CAMTA1: variants seen among roughly 807,000 people sequenced by gnomAD.
CAMTA1 encodes the protein calmodulin-binding transcription activator 1.
In CAMTA1, 27 loss-of-function variants were observed where a neutral mutation model predicts 170.9. That is an observed-to-expected ratio of 0.16 (90% CI 0.12 to 0.22). The LOEUF is 0.22. CAMTA1 is among the 10% of genes least tolerant of loss of function. The pLI is 1.00. For synonymous variants in CAMTA1, 833 were observed against 891.5 expected (o/e 0.93, Z 1.17); for missense variants, 1,619 against 2,217.2 (o/e 0.73, Z 5.42).
chr1:7,405,773 C>A (rs2090240370), intron 5 of CAMTA1, among the ~76,000 whole-genome samples: 1 of 152,148 alleles, frequency 6.6e-6, no homozygotes, highest in South Asian at 2.1e-4. Context: ...TGTGAGGCTT[C>A]CACACACTGA....
intron 5 of CAMTA1, among the ~76,000 whole-genome samples, chr1:7,345,535 AG>A (rs1388819404): frequency 3.3e-5 from 5 of 152,282 alleles, no homozygotes; most frequent in African/African-American, 1.2e-4. Context: ...AGAGTGACTT[AG>A]GTGAGATGAT....
intron 5 of CAMTA1, among the ~76,000 whole-genome samples, chr1:7,282,065 T>A (rs1341806821): frequency 1.3e-5 from 2 of 152,110 alleles, no homozygotes. Flanking sequence ...CAGCCCTTTA[T>A]TTTGCAATGA....
At chr1:7,205,734 C>A (rs771350282) in intron 4 of CAMTA1, among the ~76,000 whole-genome samples, 2 of 152,116 alleles carry the variant, frequency 1.3e-5, no homozygotes, top group Non-Finnish European at 2.9e-5. Context: ...GTTCATCAAT[C>A]TTTTCTTTTA....
chr1:6,940,303 T>C (rs907140602), intron 3 of CAMTA1, among the ~76,000 whole-genome samples: 1 of 152,228 alleles, frequency 6.6e-6, no homozygotes, highest in Non-Finnish European at 1.5e-5. Flanking sequence ...GGAACACCAC[T>C]GGTGTAAGTC....
intron 4 of CAMTA1, among the ~76,000 whole-genome samples, chr1:7,111,133 C>G (rs2148375985): frequency 6.6e-6 from 1 of 152,340 alleles, no homozygotes; most frequent in East Asian, 1.9e-4. Context: ...TTTCTCTGAC[C>G]TCCTCTCCTG....
In CAMTA1 at chr1:6,970,177, G is replaced by A. The variant is rs1321642180; in HGVS notation, c.235-121127G>A. On this transcript the variant is annotated intron_variant, in intron 3 of 22. Transcript: ENST00000303635. This position sits in a 1 kb window ranked among gnomAD's most constrained non-coding sequence, Gnocchi z 4.4. Reference sequence around the variant, plus strand: ...TATAAAATTATATAATAATCTTCCAGAAATTGAGGGACATGGAAAGAAAAC... The same window carrying A: ...TATAAAATTATATAATAATCTTCCAAAAATTGAGGGACATGGAAAGAAAAC... Among the ~76,000 whole-genome samples the A allele has an allele frequency of 6.6e-6, 1 of 152,120 alleles. No individual in the cohort carries two copies. The highest frequency in any genetic ancestry group is 2.4e-5 in the African/African-American group (1 of 41,424).
At position 7,572,872 on chromosome 1, in the gene CAMTA1, T is replaced by C. The variant is rs147306157; in HGVS notation, c.511-67528T>C. ...GCCAGGGCTGGCCAAGGGCCCAGTCTGATAAGAAACCGCACCTGTGATCCA... is the reference window on the plus strand; with the variant it reads ...GCCAGGGCTGGCCAAGGGCCCAGTCCGATAAGAAACCGCACCTGTGATCCA... On this transcript the variant is annotated intron_variant, in intron 6 of 22. Transcript: ENST00000303635. Among the ~76,000 whole-genome samples, 38 of 152,338 alleles carry C rather than the reference T, an allele frequency of 2.5e-4. No homozygotes were observed. The East Asian group carries it at 6.6e-3, about 26-fold the overall frequency.
intron 6 of CAMTA1, among the ~76,000 whole-genome samples, chr1:7,507,243 G>A (rs1257697974): frequency 6.0e-5 from 9 of 150,452 alleles, no homozygotes; most frequent in African/African-American, 1.0e-4. Flanking sequence ...CAAAACTCAC[G>A]CTCACATATT....
At chr1:7,330,687 A>G (rs2082973827) in intron 5 of CAMTA1, among the ~76,000 whole-genome samples, 1 of 152,250 alleles carries the variant, frequency 6.6e-6, no homozygotes, top group South Asian at 2.1e-4. Flanking sequence ...ATATCAGGCA[A>G]TGGTTCAATC....
chr1:6,953,163 G>A (rs757802893), intron 3 of CAMTA1, among the ~76,000 whole-genome samples: 2 of 152,170 alleles, frequency 1.3e-5, no homozygotes, highest in Non-Finnish European at 2.9e-5. Context: ...CATCTGTCCC[G>A]TCGTTTTCTC....
At position 7,551,019 on chromosome 1, in the gene CAMTA1, GA is replaced by G. The variant is rs1455698103; in HGVS notation, c.510+83120del. Among the ~76,000 whole-genome samples the G allele has an allele frequency of 2.0e-5, 3 of 152,144 alleles. No individual in the cohort carries two copies. The East Asian group carries it at 5.8e-4, about 29-fold the overall frequency. On this transcript the variant is annotated intron_variant, in intron 6 of 22. Transcript: ENST00000303635. ...TGGATTTTTGTCTAATTACTGACTGGAACAGATGCAGAGACAACCTCATTGA... is the reference window on the plus strand; with the variant it reads ...TGGATTTTTGTCTAATTACTGACTGGACAGATGCAGAGACAACCTCATTGA...
intron 5 of CAMTA1, among the ~76,000 whole-genome samples, chr1:7,422,810 C>G (rs2091650262): frequency 6.6e-6 from 1 of 152,152 alleles, no homozygotes; most frequent in African/African-American, 2.4e-5. Context: ...CCACACCCCC[C>G]TACATTGGGG....
intron 4 of CAMTA1, among the ~76,000 whole-genome samples, chr1:7,108,044 A>G (rs1043559653): frequency 3.9e-5 from 6 of 152,110 alleles, no homozygotes; most frequent in African/African-American, 9.7e-5. Flanking sequence ...GGTGGTCACC[A>G]TGGGAGGGGC....
rs979599272 is a variant in CAMTA1 at position 7,455,535 on chromosome 1, C to T, written c.439-12295C>T. 5.3e-5 allele frequency among the ~76,000 whole-genome samples: 8 copies of T among 152,336 alleles called. No homozygotes were observed. The highest frequency in any genetic ancestry group is 1.0e-4 in the Non-Finnish European group (7 of 68,026). Reference sequence around the variant, plus strand: ...TTAACATAGCCACAGACCGGCCCGGCGTTTCCCTCCACCTGCTTCATAAGC... The same window carrying T: ...TTAACATAGCCACAGACCGGCCCGGTGTTTCCCTCCACCTGCTTCATAAGC... On this transcript the variant is annotated intron_variant, in intron 5 of 22. Coordinates refer to ENST00000303635, the MANE Select transcript of CAMTA1 (RefSeq NM_015215.4). The surrounding 1 kb of genome is among the most constrained non-coding windows in gnomAD (Gnocchi z 5.0).
At chr1:6,987,898 C>T (rs370375799) in intron 3 of CAMTA1, among the ~76,000 whole-genome samples, 6 of 152,148 alleles carry the variant, frequency 3.9e-5, no homozygotes, top group East Asian at 3.9e-4. Flanking sequence ...AGGTGGGCAT[C>T]ATCCGCAGCA....
intron 5 of CAMTA1, among the ~76,000 whole-genome samples, chr1:7,453,193 G>A (rs1231725927): frequency 1.3e-5 from 2 of 152,236 alleles, no homozygotes; most frequent in African/African-American, 2.4e-5. Flanking sequence ...ATGTGGAATC[G>A]TGTCCAGCGG....
intron 3 of CAMTA1, among the ~76,000 whole-genome samples, chr1:7,002,007 C>T (rs1342856452): frequency 6.6e-6 from 1 of 151,572 alleles, no homozygotes; most frequent in Non-Finnish European, 1.5e-5. Context: ...AGCAATTCTC[C>T]TGCCTCAGCA....
intron 1 of CAMTA1, among the ~76,000 whole-genome samples, chr1:6,819,452 C>T (rs558957047): frequency 2.0e-5 from 3 of 152,160 alleles, no homozygotes; most frequent in African/African-American, 2.4e-5. Context: ...TACTAGTTGG[C>T]GCTCTGCACA....
intron 5 of CAMTA1, among the ~76,000 whole-genome samples, chr1:7,390,109 G>A (rs557566717): frequency 7.9e-5 from 12 of 152,300 alleles, no homozygotes; most frequent in Non-Finnish European, 1.2e-4. Context: ...GGGCGACGGC[G>A]CAGGGCTGGT....
Sources: allele counts gnomAD v4.1 joint callset (sites outside exome capture counted in the v4.1 genomes callset), GRCh38; gene constraint gnomAD v4.1.1; non-coding constraint Gnocchi (gnomAD v3.1); transcripts MANE v1.5; gene names NCBI Gene and HGNC (gene_info 2026-07-23, HGNC 2026-07-21).